The following SEMA6D variants were observed in gnomAD, a reference collection of about 807,000 sequenced individuals.
SEMA6D encodes the protein semaphorin 6D.
A neutral mutation model predicts 106.6 loss-of-function variants in SEMA6D; 35 were observed. The ratio of observed to expected loss-of-function variants is 0.33; its 90% CI spans 0.25 to 0.44. The LOEUF is 0.44. Ranked by LOEUF, SEMA6D falls within the 20% of genes least tolerant of loss-of-function variation. The probability of loss-of-function intolerance (pLI) is 1.00; values close to 1 mark genes in which losing one functional copy is unlikely to be tolerated. For missense variants in SEMA6D, 1,185 were observed against 1,345.9 expected (o/e 0.88, Z 1.87); for synonymous variants, 499 against 487.7 (o/e 1.02, Z -0.31).
Position 47,702,045 on chromosome 15 carries a change from A to G in SEMA6D, c.-54-57700A>G, listed in dbSNP as rs1054481563. On this transcript the variant is annotated intron_variant, in intron 4 of 19. Transcript: ENST00000558014. The stretch of plus-strand genomic sequence containing the variant: ...TCTTCTTCTTTTTGGCCAAATTTTT[A>G]TTCAGAAATTTATGTTAGCTTTAAT... 3.3e-5 allele frequency among the ~76,000 whole-genome samples: 5 copies of G among 152,120 alleles called. No individual in the cohort carries two copies. The East Asian group carries it at 9.6e-4, about 29-fold the overall frequency.
At chr15:47,731,351 C>A (rs907255089) in intron 1 of SEMA6D, among the ~76,000 whole-genome samples, 1 of 151,348 alleles carries the variant, frequency 6.6e-6, no homozygotes, top group African/African-American at 2.4e-5. Context: ...ACTGAGAAGG[C>A]AAATGAGTTT....
intron 1 of SEMA6D, chr15:47,731,083 A>G: frequency 3.7e-6 from 2 of 536,104 alleles, no homozygotes; most frequent in Non-Finnish European, 6.6e-6. Flanking sequence ...CAGATAGTCC[A>G]ACTTCTCAAA....
At chr15:47,509,393 T>C (rs1036789535) in intron 3 of SEMA6D, among the ~76,000 whole-genome samples, 2 of 152,214 alleles carry the variant, frequency 1.3e-5, no homozygotes, top group African/African-American at 4.8e-5. Flanking sequence ...TAAAGACAGC[T>C]TGGTCTAGTG....
upstream of SEMA6D, among the ~76,000 whole-genome samples, chr15:47,715,739 T>C (rs2079098818): frequency 6.6e-6 from 1 of 152,188 alleles, no homozygotes; most frequent in Non-Finnish European, 1.5e-5. Flanking sequence ...AGCTGACGAT[T>C]GTGGAATTTT....
At chr15:47,720,927 A>G (rs970944845) in intron 1 of SEMA6D, among the ~76,000 whole-genome samples, 3 of 152,028 alleles carry the variant, frequency 2.0e-5, no homozygotes, top group Non-Finnish European at 4.4e-5. Context: ...TAGGAGGTGA[A>G]CTCTTTCCTT....
At chr15:47,479,295 G>T (rs965239529) in intron 3 of SEMA6D, among the ~76,000 whole-genome samples, 6 of 152,054 alleles carry the variant, frequency 3.9e-5, no homozygotes, top group African/African-American at 1.4e-4. Context: ...AGCATCAGTT[G>T]TTGGGTAGGA....
At chr15:47,288,873 A>G (rs2035482821) in intron 1 of SEMA6D, among the ~76,000 whole-genome samples, 1 of 152,196 alleles carries the variant, frequency 6.6e-6, no homozygotes. Context: ...TAGTATTGAA[A>G]TAATTCTGAT....
intron 1 of SEMA6D, among the ~76,000 whole-genome samples, chr15:47,243,065 G>A (rs62013996): frequency 0.012 from 1,781 of 152,136 alleles, 34 homozygotes; most frequent in Admixed American, 0.012. Flanking sequence ...ATATTCACAA[G>A]GCTATACTGA....
intron 1 of SEMA6D, among the ~76,000 whole-genome samples, chr15:47,189,012 A>G (rs183469909): frequency 1.3e-4 from 20 of 152,316 alleles, no homozygotes; most frequent in Admixed American, 5.2e-4. Flanking sequence ...TATAGCACCA[A>G]TCAGAAAAGC....
At chr15:47,664,708 T>G (rs2077991754) in intron 4 of SEMA6D, among the ~76,000 whole-genome samples, 1 of 152,212 alleles carries the variant, frequency 6.6e-6, no homozygotes. Context: ...CCTCTTCACT[T>G]GAAACATGCC....
chr15:47,649,043 T>C (rs1051629417), intron 4 of SEMA6D, among the ~76,000 whole-genome samples: 34 of 152,308 alleles, frequency 2.2e-4, no homozygotes, highest in African/African-American at 7.7e-4. Context: ...GATTTACATA[T>C]TAGGCCACTT....
At chr15:47,296,767 A>C (rs1445885275) in intron 1 of SEMA6D, among the ~76,000 whole-genome samples, 2 of 152,166 alleles carry the variant, frequency 1.3e-5, no homozygotes, top group Non-Finnish European at 2.9e-5. Flanking sequence ...ATTGGTTACC[A>C]AATATAATTT....
chr15:47,469,799 C>G (rs1036871242), intron 2 of SEMA6D, among the ~76,000 whole-genome samples: 1 of 152,060 alleles, frequency 6.6e-6, no homozygotes, highest in Admixed American at 6.6e-5. Flanking sequence ...CTTTTAAGAT[C>G]TTTTGTATGT....
chr15:47,562,934 G>T (rs2046121883), intron 3 of SEMA6D, among the ~76,000 whole-genome samples: 1 of 152,096 alleles, frequency 6.6e-6, no homozygotes, highest in South Asian at 2.1e-4. Flanking sequence ...CTACCCAAAT[G>T]TCCATCAATT....
At chr15:47,189,198 GTCTC>G (rs778695438) in intron 1 of SEMA6D, among the ~76,000 whole-genome samples, 79 of 151,880 alleles carry the variant, frequency 5.2e-4, no homozygotes, top group Non-Finnish European at 9.7e-4. Flanking sequence ...TGATTCCTCT[GTCTC>G]TCTATCATTG....
chr15:47,370,919 G>C (rs79045714), intron 1 of SEMA6D, among the ~76,000 whole-genome samples: 162 of 152,210 alleles, frequency 1.1e-3, no homozygotes, highest in African/African-American at 3.7e-3. Context: ...GGAAAGACTG[G>C]AGGATAATGT....
intron 4 of SEMA6D, among the ~76,000 whole-genome samples, chr15:47,696,817 A>T (rs1472534417): frequency 6.6e-6 from 1 of 152,186 alleles, no homozygotes; most frequent in Non-Finnish European, 1.5e-5. Flanking sequence ...AATACTGGTG[A>T]TAGTAATATC....
At chr15:47,753,301 A>G (rs1205560739) in intron 1 of SEMA6D, among the ~76,000 whole-genome samples, 3 of 152,206 alleles carry the variant, frequency 2.0e-5, no homozygotes, top group Non-Finnish European at 4.4e-5. Flanking sequence ...TTACATTACT[A>G]GCGAGTTGTC....
chr15:47,498,579 T>C (rs888314895), intron 3 of SEMA6D, among the ~76,000 whole-genome samples: 4 of 152,154 alleles, frequency 2.6e-5, no homozygotes, highest in Non-Finnish European at 4.4e-5. Flanking sequence ...TGTGAATTAA[T>C]GCCAAGAAAA....
Sources: allele counts gnomAD v4.1 joint callset (sites outside exome capture counted in the v4.1 genomes callset), GRCh38; gene constraint gnomAD v4.1.1; transcripts MANE v1.5; gene names NCBI Gene and HGNC (gene_info 2026-07-23, HGNC 2026-07-21).